Variants in PTPRQ observed in about 807,000 individuals in gnomAD.
PTPRQ encodes protein tyrosine phosphatase receptor type Q, also known as phosphatidylinositol phosphatase PTPRQ.
PTPRQ carries 199 observed loss-of-function variants against 246.0 expected under a neutral mutation model. The observed-to-expected ratio is 0.81, with a 90% confidence interval of 0.72 to 0.91. PTPRQ has a LOEUF of 0.91. Among genes scored for constraint, PTPRQ ranks in the 40% least tolerant of loss-of-function variants. The probability of loss-of-function intolerance (pLI) is 0.00; values close to 1 mark genes in which losing one functional copy is unlikely to be tolerated. For synonymous variants in PTPRQ, 869 were observed against 853.2 expected (o/e 1.02, Z -0.32); for missense variants, 2,624 against 2,528.4 (o/e 1.04, Z -0.81).
At chr12:80,648,672 TCTTTTCAG>T (rs1272881775) in intron 35 of PTPRQ, among the ~76,000 whole-genome samples, 3 of 152,144 alleles carry the variant, frequency 2.0e-5, no homozygotes, top group Admixed American at 1.3e-4. Context: ...AACAACAACA[TCTTTTCAG>T]CTCGAGAAAG....
chr12:80,660,114 G>C (rs1900580639), intron 39 of PTPRQ, among the ~76,000 whole-genome samples: 1 of 151,984 alleles, frequency 6.6e-6, no homozygotes, highest in Admixed American at 6.6e-5. Context: ...TGTCCCAGGA[G>C]CAAAAGACAG....
chr12:80,604,309 T>C (rs2121077168), intron 26 of PTPRQ, among the ~76,000 whole-genome samples: 1 of 151,710 alleles, frequency 6.6e-6, no homozygotes, highest in Non-Finnish European at 1.5e-5. Flanking sequence ...GGCTAAATCT[T>C]TCCCTGCATA....
chr12:80,588,397 C>T lies in PTPRQ; in HGVS notation c.4554C>T (p.Thr1518=). Reference sequence around the variant, plus strand: ...ATAGATTCCAAGTGGCTGCCAGCACCAATGCTGGCTATGGCAATGCTTCAA... The same window carrying T: ...ATAGATTCCAAGTGGCTGCCAGCACTAATGCTGGCTATGGCAATGCTTCAA... ...RWYRFQVAAS[T]NAGYGNASNW... Residue 1518 remains threonine (T), a synonymous_variant, in exon 26 of 45, where the codon ACC becomes ACT. Transcript: ENST00000644991. The T allele has an allele frequency of 6.6e-7, 1 of 1,526,682 alleles. No individual in the cohort carries two copies. The highest frequency in any genetic ancestry group is 8.8e-7 in the Non-Finnish European group (1 of 1,133,826). 94.6% of individuals were successfully genotyped at this position (1,526,682 alleles called of 1,614,324 possible). A position where few individuals can be genotyped will look rare whatever the true frequency, so the allele number is the denominator to read the frequency against.
intron 6 of PTPRQ, among the ~76,000 whole-genome samples, chr12:80,463,030 G>A (rs1041044246): frequency 3.9e-5 from 6 of 152,222 alleles, no homozygotes; most frequent in African/African-American, 7.2e-5. Flanking sequence ...TGACTTTCAC[G>A]AGTTGAGAGA....
chr12:80,550,454 C>A (rs1293515013), intron 25 of PTPRQ, among the ~76,000 whole-genome samples: 1 of 152,178 alleles, frequency 6.6e-6, no homozygotes, highest in Non-Finnish European at 1.5e-5. Flanking sequence ...AACATCAAGA[C>A]ATAGTCTGCC....
At chr12:80,563,321 G>A (rs546011283) in intron 25 of PTPRQ, among the ~76,000 whole-genome samples, 2 of 152,144 alleles carry the variant, frequency 1.3e-5, no homozygotes, top group South Asian at 2.1e-4. Context: ...GGATGAGGCA[G>A]CACTCTGCAG....
chr12:80,549,381 TG>T (rs1393160747), intron 24 of PTPRQ, 83 bp from the exon 25 acceptor site: 2 of 1,399,308 alleles, frequency 1.4e-6, no homozygotes, highest in African/African-American at 2.9e-5. Flanking sequence ...TAAACACAGA[TG>T]TATCTAGTGA....
chr12:80,583,074 T>TA (rs1897497753), intron 25 of PTPRQ, among the ~76,000 whole-genome samples: 1 of 152,162 alleles, frequency 6.6e-6, no homozygotes, highest in Non-Finnish European at 1.5e-5. Flanking sequence ...TTCAGGGTCT[T>TA]AACACCTTCA....
intron 9 of PTPRQ, among the ~76,000 whole-genome samples, chr12:80,487,141 T>G (rs1894302938): frequency 6.6e-6 from 1 of 151,654 alleles, no homozygotes; most frequent in Non-Finnish European, 1.5e-5. Context: ...CTGATCCTTC[T>G]CTCTGACGCT....
chr12:80,588,013 C>G, intron 25 of PTPRQ, 116 bp from the exon 26 acceptor site: 1 of 1,069,534 alleles, frequency 9.3e-7, no homozygotes, highest in Non-Finnish European at 1.3e-6. Flanking sequence ...AATCTAAGAG[C>G]TATAGTAATT....
intron 26 of PTPRQ, among the ~76,000 whole-genome samples, chr12:80,595,216 A>G (rs544570578): frequency 3.9e-5 from 6 of 152,104 alleles, no homozygotes; most frequent in Non-Finnish European, 8.8e-5. Flanking sequence ...AAGTGAGCAT[A>G]TTACATCATA....
rs544901074 is a variant in PTPRQ, at chr12:80,518,954, T to A, written c.2678+8511T>A. On this transcript the variant is annotated intron_variant, in intron 17 of 44. Coordinates refer to ENST00000644991, the MANE Select transcript of PTPRQ (RefSeq NM_001145026.2). Reference sequence around the variant, plus strand: ...TTTTTGCTTAGGATAGCTTTGTTATTCTGGGTCTTTCATGGTTCCATATAA... The same window carrying A: ...TTTTTGCTTAGGATAGCTTTGTTATACTGGGTCTTTCATGGTTCCATATAA... Among the ~76,000 whole-genome samples the A allele has an allele frequency of 8.5e-4, 130 of 152,276 alleles. 3 individuals are homozygous for A. The highest frequency in any genetic ancestry group is 3.0e-3 in the African/African-American group (125 of 41,566).
At chr12:80,504,400 T>G (rs947766596) in intron 14 of PTPRQ, among the ~76,000 whole-genome samples, 3 of 151,834 alleles carry the variant, frequency 2.0e-5, no homozygotes, top group Admixed American at 6.6e-5. Flanking sequence ...ATTTAAATAA[T>G]TATTTGCTCA....
intron 35 of PTPRQ, among the ~76,000 whole-genome samples, chr12:80,648,289 C>T (rs914471459): frequency 2.0e-5 from 3 of 151,816 alleles, no homozygotes; most frequent in African/African-American, 7.3e-5. Context: ...AATGATACGC[C>T]CCTCTCTAAG....
At chr12:80,610,245 T>G (rs1349134295) in intron 27 of PTPRQ, among the ~76,000 whole-genome samples, 194 bp from the exon 28 acceptor site, 2 of 150,596 alleles carry the variant, frequency 1.3e-5, no homozygotes, top group Admixed American at 1.3e-4. Context: ...TCTTTTACTT[T>G]CAACTATTAA....
chr12:80,652,647 T>TA (rs963349463), intron 37 of PTPRQ, 97 bp from the exon 38 acceptor site: 536 of 1,237,210 alleles, frequency 4.3e-4, no homozygotes, highest in South Asian at 9.3e-4. Flanking sequence ...ATTTAAAAAT[T>TA]AAAAAAAAAG....
chr12:80,471,473 C>CTTT (rs1364723133), intron 7 of PTPRQ, among the ~76,000 whole-genome samples: 8 of 37,996 alleles, frequency 2.1e-4, no homozygotes, highest in African/African-American at 9.1e-4. Flanking sequence ...AATTATTTAG[C>CTTT]ATTTTTTTTT....
intron 25 of PTPRQ, among the ~76,000 whole-genome samples, chr12:80,555,117 G>A (rs1896607564): frequency 6.6e-6 from 1 of 152,148 alleles, no homozygotes; most frequent in South Asian, 2.1e-4. Flanking sequence ...GTTTCACCAT[G>A]TGGGCCAGTC....
intron 35 of PTPRQ, 24 bp downstream of exon 35, chr12:80,635,097 C>G: frequency 6.5e-7 from 1 of 1,548,032 alleles, no homozygotes; most frequent in East Asian, 2.5e-5. Flanking sequence ...TCTGGGTGAA[C>G]TGTGGTCCAG....
Sources: allele counts gnomAD v4.1 joint callset (sites outside exome capture counted in the v4.1 genomes callset), GRCh38; gene constraint gnomAD v4.1.1; transcripts MANE v1.5; gene names NCBI Gene and HGNC (gene_info 2026-07-23, HGNC 2026-07-21).